UBE2D1: variants seen among roughly 807,000 people sequenced by gnomAD.
The protein encoded by UBE2D1 is ubiquitin-conjugating enzyme E2 D1.
A neutral mutation model predicts 24.6 loss-of-function variants in UBE2D1; 9 were observed. The observed-to-expected ratio is 0.37, with a 90% CI of 0.22 to 0.64. The LOEUF is 0.64. UBE2D1 is among the 30% of genes least tolerant of loss of function. The probability of loss-of-function intolerance (pLI) is 0.64; values close to 1 mark genes in which losing one functional copy is unlikely to be tolerated. For synonymous variants in UBE2D1, 57 were observed against 57.6 expected (o/e 0.99, Z 0.04); for missense variants, 87 against 177.1 (o/e 0.49, Z 2.89).
rs1415729933 is a variant in UBE2D1 at position 58,355,889 on chromosome 10, G to C, written c.25-5449G>C. On this transcript the variant is annotated intron_variant, in intron 1 of 6. Coordinates refer to ENST00000373910, the MANE Select transcript of UBE2D1 (RefSeq NM_003338.5). ...CACTAATGCCTTCTTCCTGTTACAA[G>C]ATCCAATCTGGGATCCCACACTGGA... Among the ~76,000 whole-genome samples the C allele has an allele frequency of 2.6e-5, 4 of 152,094 alleles. No individual in the cohort carries two copies. The East Asian group carries it at 7.7e-4, about 29-fold the overall frequency.
intron 6 of UBE2D1, chr10:58,368,478 G>T (rs1589005424): frequency 6.3e-6 from 2 of 318,250 alleles, no homozygotes; most frequent in East Asian, 1.0e-4. Flanking sequence ...GCTGGTTTCT[G>T]CATTTTGATT....
At chr10:58,351,179 A>G (rs1230930921) in intron 1 of UBE2D1, among the ~76,000 whole-genome samples, 1 of 152,200 alleles carries the variant, frequency 6.6e-6, no homozygotes, top group Non-Finnish European at 1.5e-5. Context: ...TAAACACTGT[A>G]CATACACTTA....
chr10:58,363,817 T>C, intron 4 of UBE2D1, 131 bp downstream of exon 4: 4 of 580,792 alleles, frequency 6.9e-6, no homozygotes. Context: ...TCAAACTGTT[T>C]TGTAAAAACT....
rs765950957 is a variant in UBE2D1, at chr10:58,335,166, CCT to C, written c.-35_-34del. On this transcript the variant is annotated 5_prime_UTR_variant, in exon 1 of 7. Coordinates refer to ENST00000373910, the MANE Select transcript of UBE2D1 (RefSeq NM_003338.5). ...ACGCCCCTGAGCCCCGCAGCCGACCCCTGCCGGCCGGTGTCCCCACCGCCATC... is the reference window on the plus strand; with the variant it reads ...ACGCCCCTGAGCCCCGCAGCCGACCCGCCGGCCGGTGTCCCCACCGCCATC... The C allele has an allele frequency of 3.2e-6, 5 of 1,540,474 alleles. No individual in the cohort carries two copies. In the African/African-American group the frequency reaches 5.6e-5, roughly 17 times the overall value.
At chr10:58,359,118 C>T (rs1840166596) in intron 1 of UBE2D1, among the ~76,000 whole-genome samples, 1 of 151,928 alleles carries the variant, frequency 6.6e-6, no homozygotes, top group Non-Finnish European at 1.5e-5. Flanking sequence ...GGCTCAGTCA[C>T]CCAGCTCATT....
At chr10:58,363,498 T>C in intron 3 of UBE2D1, 111 bp from the exon 4 acceptor site, 1 of 688,888 alleles carries the variant, frequency 1.5e-6, no homozygotes, top group Admixed American at 3.6e-5. Context: ...AATGAAATTA[T>C]TTTAAACATG....
At chr10:58,361,228 G>T in intron 1 of UBE2D1, 110 bp from the exon 2 acceptor site, 1 of 1,091,636 alleles carries the variant, frequency 9.2e-7, no homozygotes, top group Non-Finnish European at 1.4e-6. Context: ...ATTTTGAATA[G>T]AACTGCTTTA....
Position 58,368,009 on chromosome 10 carries a change from A to AAAG in UBE2D1, c.394_396dup (p.Glu132dup). 6.2e-7 allele frequency: 1 copy of AAAG among 1,606,786 alleles called. No individual in the cohort carries two copies. The highest frequency in any genetic ancestry group is 8.5e-7 in the Non-Finnish European group (1 of 1,174,562). On this transcript the variant is annotated inframe_insertion, in exon 6 of 7. Coordinates refer to ENST00000373910, the MANE Select transcript of UBE2D1 (RefSeq NM_003338.5). ...TATTGCACAAATCTATAAATCAGAC[A>AAAG]AAGAAAAGTAAGTGTTTACTTATTT...
At chr10:58,353,395 A>G (rs1840098117) in intron 1 of UBE2D1, among the ~76,000 whole-genome samples, 1 of 152,186 alleles carries the variant, frequency 6.6e-6, no homozygotes, top group Non-Finnish European at 1.5e-5. Flanking sequence ...CAGCTCTGTC[A>G]CTAAGGATTG....
At chr10:58,356,982 G>T (rs1026617935) in intron 1 of UBE2D1, among the ~76,000 whole-genome samples, 1 of 152,148 alleles carries the variant, frequency 6.6e-6, no homozygotes, top group East Asian at 1.9e-4. Flanking sequence ...TTATGAAATC[G>T]TTATTGGGAG....
intron 1 of UBE2D1, among the ~76,000 whole-genome samples, chr10:58,335,459 C>T (rs113306758): frequency 0.019 from 2,949 of 152,344 alleles, 102 homozygotes; most frequent in African/African-American, 0.065. Context: ...CGCGCGCGTT[C>T]GCGCCGGAGC....
At chr10:58,363,447 T>A (rs957906518) in intron 3 of UBE2D1, among the ~76,000 whole-genome samples, 162 bp from the exon 4 acceptor site, 2 of 152,190 alleles carry the variant, frequency 1.3e-5, no homozygotes, top group African/African-American at 2.4e-5. Flanking sequence ...GATTTGAACT[T>A]ATGACAAAAT....
chr10:58,336,188 T>C (rs1839901871), intron 1 of UBE2D1, among the ~76,000 whole-genome samples: 1 of 152,244 alleles, frequency 6.6e-6, no homozygotes, highest in Non-Finnish European at 1.5e-5. Flanking sequence ...TATTTCTTGT[T>C]GGTCTGTGTA....
At chr10:58,344,156 T>A (rs780264551) in intron 1 of UBE2D1, among the ~76,000 whole-genome samples, 19 of 152,228 alleles carry the variant, frequency 1.2e-4, no homozygotes, top group Non-Finnish European at 2.4e-4. Context: ...TGAGAAAAGA[T>A]AAGAATTCCT....
At chr10:58,338,175 G>C (rs943474665) in intron 1 of UBE2D1, among the ~76,000 whole-genome samples, 2 of 152,080 alleles carry the variant, frequency 1.3e-5, no homozygotes, top group East Asian at 1.9e-4. Context: ...TTGGCTATTT[G>C]AGAGTGTTAA....
chr10:58,363,537 T>C lies in UBE2D1; in HGVS notation c.121-72T>C, dbSNP rs928752376. On this transcript the variant is annotated intron_variant, in intron 3 of 6. Transcript: ENST00000373910. Reference sequence around the variant, plus strand: ...GCATTTTTTTCAAACTGATAATATTTGGGGGAAATAATTTTGTTGTTATAA... The same window carrying C: ...GCATTTTTTTCAAACTGATAATATTCGGGGGAAATAATTTTGTTGTTATAA... 2.8e-6 allele frequency: 3 copies of C among 1,090,438 alleles called. No individual in the cohort carries two copies. The African/African-American group carries it at 4.9e-5, about 18-fold the overall frequency. 67.5% of individuals were successfully genotyped at this position (1,090,438 alleles called of 1,614,324 possible).
At chr10:58,342,981 C>G (rs566936748) in intron 1 of UBE2D1, among the ~76,000 whole-genome samples, 2 of 152,024 alleles carry the variant, frequency 1.3e-5, no homozygotes, top group South Asian at 2.1e-4. Context: ...AGGCGCCCAC[C>G]ACCACACCCA....
chr10:58,370,583 A>G lies in UBE2D1; in HGVS notation c.*1818A>G, dbSNP rs1161747330. The G allele has an allele frequency of 6.6e-6, 1 of 152,580 alleles. No individual in the cohort carries two copies. The highest frequency in any genetic ancestry group is 2.4e-5 in the African/African-American group (1 of 41,422). 9.5% of individuals were successfully genotyped at this position (152,580 alleles called of 1,614,324 possible). A position where few individuals can be genotyped will look rare whatever the true frequency, so the allele number is the denominator to read the frequency against. ...TAAGCTACATTTGCCCTGAATTTGA[A>G]CACTCAACATCACTAGATTTAAATA... On this transcript the variant is annotated 3_prime_UTR_variant, in exon 7 of 7. Transcript: ENST00000373910.
At chr10:58,338,542 A>G (rs1436076448) in intron 1 of UBE2D1, among the ~76,000 whole-genome samples, 1 of 152,224 alleles carries the variant, frequency 6.6e-6, no homozygotes, top group Non-Finnish European at 1.5e-5. Flanking sequence ...TATTTTCTAG[A>G]AGTAATTTCT....
Sources: gnomAD v4.1 joint callset for allele counts (sites outside exome capture counted in the v4.1 genomes callset) on GRCh38, gnomAD v4.1.1 for gene constraint, MANE v1.5 for transcripts, NCBI Gene and HGNC (gene_info 2026-07-23, HGNC 2026-07-21) for gene names.